The following NIPAL2 variants were observed in gnomAD, a reference collection of about 807,000 sequenced individuals.
NIPAL2 encodes the protein NIPA-like protein 2.
A neutral mutation model predicts 48.9 loss-of-function variants in NIPAL2; 43 were observed. The observed-to-expected ratio is 0.88, with a 90% CI of 0.69 to 1.13. The LOEUF is 1.13. Among genes scored for constraint, NIPAL2 ranks in the 50% most tolerant of loss-of-function variants. The probability of loss-of-function intolerance (pLI) is 0.00; values close to 1 mark genes in which losing one functional copy is unlikely to be tolerated. For missense variants in NIPAL2, 446 were observed against 461.4 expected (o/e 0.97, Z 0.31); for synonymous variants, 167 against 174.6 (o/e 0.96, Z 0.34).
chr8:98,262,361 A>G (rs1197082085), intron 1 of NIPAL2, among the ~76,000 whole-genome samples: 1 of 148,336 alleles, frequency 6.7e-6, no homozygotes, highest in Admixed American at 6.7e-5. Context: ...AAGACCCATC[A>G]GTGTGCTGTA....
intron 5 of NIPAL2, among the ~76,000 whole-genome samples, chr8:98,219,864 A>G (rs1811763774): frequency 6.6e-6 from 1 of 152,066 alleles, no homozygotes; most frequent in Admixed American, 6.6e-5. Context: ...CTCTGCTAGC[A>G]AAGTCCCCTA....
intron 3 of NIPAL2, among the ~76,000 whole-genome samples, chr8:98,246,826 G>T (rs958464188): frequency 6.6e-6 from 1 of 151,816 alleles, no homozygotes; most frequent in Admixed American, 6.6e-5. Context: ...CTCCCTCCTT[G>T]CCCCTGCAAT....
intron 6 of NIPAL2, among the ~76,000 whole-genome samples, chr8:98,206,809 A>G (rs1168444597): frequency 2.0e-5 from 3 of 151,776 alleles, no homozygotes; most frequent in South Asian, 2.1e-4. Flanking sequence ...AAAAATCATA[A>G]TTGACAGAGG....
rs746311915 is a variant in NIPAL2 at position 98,222,600 on chromosome 8, C to T, written c.437G>A (p.Gly146Asp). Residue 146 changes from glycine to aspartate, a missense_variant and splice_region_variant, in exon 5 of 11, where the codon GGT becomes GAT. Transcript: ENST00000430223. ...TGTTCCTGCAAATGCCAGTGTCGTA[C>T]CTTTAAATAAAATTGAAAAGAAAAA... ...KDNLRASDLL[G>D]TTLAFAGTYL... 10 of 1,609,152 alleles carry T rather than the reference C, an allele frequency of 6.2e-6. No homozygotes were observed. Among genetic ancestry groups the T allele is most frequent in the Middle Eastern group, 1.6e-4 (1 of 6,070 alleles).
intron 1 of NIPAL2, among the ~76,000 whole-genome samples, chr8:98,272,379 G>A (rs1236623723): frequency 6.6e-6 from 1 of 152,146 alleles, no homozygotes; most frequent in African/African-American, 2.4e-5. Context: ...GCGAAAAATT[G>A]TGGTTAAATG....
At chr8:98,266,197 G>T (rs571018081) in intron 1 of NIPAL2, among the ~76,000 whole-genome samples, 151 of 151,054 alleles carry the variant, frequency 1.0e-3, no homozygotes, top group African/African-American at 3.5e-3. Context: ...GCAACTTAGT[G>T]GGTGCAGTGC....
In NIPAL2 at chr8:98,276,268, C is replaced by G. The variant is rs531813700; in HGVS notation, c.135+17735G>C. Among the ~76,000 whole-genome samples, 8 of 152,284 alleles carry G rather than the reference C, an allele frequency of 5.3e-5. No individual in the cohort carries two copies. In the East Asian group the frequency reaches 1.4e-3, roughly 26 times the overall value. Reference sequence around the variant, plus strand: ...TATTCATCCCTTCCTACCCACAACCCCTAGCAACCACTGATCTTTTTACTG... The same window carrying G: ...TATTCATCCCTTCCTACCCACAACCGCTAGCAACCACTGATCTTTTTACTG... On this transcript the variant is annotated intron_variant, in intron 1 of 10. Transcript: ENST00000430223.
At chr8:98,246,611 T>G (rs1813320001) in intron 3 of NIPAL2, among the ~76,000 whole-genome samples, 1 of 152,242 alleles carries the variant, frequency 6.6e-6, no homozygotes, top group Non-Finnish European at 1.5e-5. Context: ...GTAATGAGTT[T>G]ATGTGTCTCA....
At chr8:98,240,834 C>T (rs574603371) in intron 3 of NIPAL2, among the ~76,000 whole-genome samples, 162 of 152,154 alleles carry the variant, frequency 1.1e-3, no homozygotes, top group Non-Finnish European at 2.0e-3. Flanking sequence ...CCTAGGTGGC[C>T]GGGTGCTGGG....
chr8:98,194,782 T>G lies in NIPAL2; in HGVS notation c.985A>C (p.Asn329His). 6.3e-7 allele frequency: 1 copy of G among 1,576,792 alleles called. No individual in the cohort carries two copies. The highest frequency in any genetic ancestry group is 8.6e-7 in the Non-Finnish European group (1 of 1,165,860). Residue 329 changes from asparagine to histidine, a missense_variant, in exon 10 of 11, where the codon AAT becomes CAT. Coordinates refer to ENST00000430223, the MANE Select transcript of NIPAL2 (RefSeq NM_001321635.2). Reference protein sequence around the residue: ...SFLGVFLVTRNREKEHLQQSY... With the variant: ...SFLGVFLVTRHREKEHLQQSY... ...TGTTGCAGATGTTCCTTTTCTCGATTTCTTGTGACCAAAAATACACCAAGG... is the reference window on the plus strand; with the variant it reads ...TGTTGCAGATGTTCCTTTTCTCGATGTCTTGTGACCAAAAATACACCAAGG...
chr8:98,238,338 A>G (rs1812820342), intron 3 of NIPAL2, among the ~76,000 whole-genome samples: 1 of 152,238 alleles, frequency 6.6e-6, no homozygotes, highest in African/African-American at 2.4e-5. Flanking sequence ...ATTGCAGTTA[A>G]TATATTGGTG....
intron 4 of NIPAL2, among the ~76,000 whole-genome samples, chr8:98,234,921 G>C (rs1481107364): frequency 3.3e-5 from 5 of 152,010 alleles, no homozygotes; most frequent in African/African-American, 9.7e-5. Context: ...ATATAAAAAA[G>C]GGTATAGAAA....
In NIPAL2 at chr8:98,190,893, T is replaced by C. The variant is rs1810279900; in HGVS notation, c.*2085A>G. ...AAGAGAAGGACTGAGTTGGCTTTAG[T>C]TGTTGTCATGCACTGTGTAATTTAA... On this transcript the variant is annotated 3_prime_UTR_variant, in exon 11 of 11. Transcript: ENST00000430223. The C allele has an allele frequency of 6.6e-6, 1 of 152,246 alleles. No individual in the cohort carries two copies. The highest frequency in any genetic ancestry group is 1.5e-5 in the Non-Finnish European group (1 of 68,048). 9.4% of individuals were successfully genotyped at this position (152,246 alleles called of 1,614,324 possible).
chr8:98,288,513 G>A (rs1363219679), intron 1 of NIPAL2, among the ~76,000 whole-genome samples: 7 of 151,110 alleles, frequency 4.6e-5, no homozygotes, highest in African/African-American at 1.2e-4. Flanking sequence ...GTGTGCATGT[G>A]TCTTTATAGC....
intron 3 of NIPAL2, among the ~76,000 whole-genome samples, chr8:98,243,413 G>T (rs187742560): frequency 6.6e-6 from 1 of 152,284 alleles, no homozygotes; most frequent in Non-Finnish European, 1.5e-5. Flanking sequence ...GTCTAGATGT[G>T]GGGGAGGGTG....
chr8:98,269,615 C>G (rs10113018), intron 1 of NIPAL2, among the ~76,000 whole-genome samples: 3,535 of 152,196 alleles, frequency 0.023, 113 homozygotes, highest in African/African-American at 0.08. Context: ...TTCTGGAGTA[C>G]AGGTAAAGTA....
intron 1 of NIPAL2, among the ~76,000 whole-genome samples, chr8:98,266,713 C>G (rs1814773903): frequency 6.6e-6 from 1 of 151,812 alleles, no homozygotes; most frequent in East Asian, 1.9e-4. Flanking sequence ...CAGAAATTCA[C>G]CATTACACAT....
intron 1 of NIPAL2, among the ~76,000 whole-genome samples, chr8:98,284,926 C>T (rs1816070979): frequency 6.6e-6 from 1 of 152,020 alleles, no homozygotes; most frequent in Non-Finnish European, 1.5e-5. Flanking sequence ...ACTACCTTTG[C>T]CATTTATTCC....
At chr8:98,219,695 A>C (rs148284354) in intron 5 of NIPAL2, among the ~76,000 whole-genome samples, 3 of 152,072 alleles carry the variant, frequency 2.0e-5, no homozygotes, top group Non-Finnish European at 4.4e-5. Context: ...GGCTTCCATC[A>C]TCTCTTGCTT....
Sources: gnomAD v4.1 joint callset for allele counts (sites outside exome capture counted in the v4.1 genomes callset) on GRCh38, gnomAD v4.1.1 for gene constraint, MANE v1.5 for transcripts, NCBI Gene and HGNC (gene_info 2026-07-23, HGNC 2026-07-21) for gene names.